Variants in CCSER1 observed in about 807,000 individuals in gnomAD.
CCSER1 encodes the protein coiled-coil serine rich protein 1.
In CCSER1, 41 loss-of-function variants were observed where a neutral mutation model predicts 82.0. The observed-to-expected ratio is 0.50, with a 90% CI of 0.39 to 0.65. The LOEUF is 0.65. CCSER1 is among the 30% of genes least tolerant of loss of function. The probability of loss-of-function intolerance (pLI) is 0.00; values close to 1 mark genes in which losing one functional copy is unlikely to be tolerated. For missense variants in CCSER1, 1,119 were observed against 1,064.2 expected, an observed-to-expected ratio of 1.05 and a Z score of -0.72; for synonymous variants, 414 against 383.9, an observed-to-expected ratio of 1.08 and a Z score of -0.92.
chr4:90,130,258 A>T (rs572658902), intron 1 of CCSER1, among the ~76,000 whole-genome samples: 2 of 152,206 alleles, frequency 1.3e-5, no homozygotes, highest in East Asian at 3.8e-4. Flanking sequence ...CTTACTTGCC[A>T]TGTGGGAGGA....
intron 10 of CCSER1, among the ~76,000 whole-genome samples, chr4:91,177,247 T>G (rs1288983827): frequency 6.6e-6 from 1 of 152,180 alleles, no homozygotes; most frequent in Non-Finnish European, 1.5e-5. Context: ...AATTTTGCAT[T>G]GATGTTCATC....
chr4:90,251,168 T>C, intron 1 of CCSER1, among the ~76,000 whole-genome samples: 1 of 151,942 alleles, frequency 6.6e-6, no homozygotes, highest in Non-Finnish European at 1.5e-5. Context: ...TAGAGGTACA[T>C]TTATTTCTTT....
At chr4:90,903,622 A>AC (rs1724999733) in intron 8 of CCSER1, among the ~76,000 whole-genome samples, 1 of 152,130 alleles carries the variant, frequency 6.6e-6, no homozygotes, top group South Asian at 2.1e-4. Context: ...GCTTTCAGGC[A>AC]CCACAATATG....
intron 5 of CCSER1, among the ~76,000 whole-genome samples, chr4:90,574,384 T>G: frequency 6.7e-6 from 1 of 148,662 alleles, no homozygotes; most frequent in South Asian, 2.2e-4. Context: ...TTCTCCTGCC[T>G]CAGCCTCCCA....
At chr4:90,491,842 C>T (rs1051270296) in intron 5 of CCSER1, among the ~76,000 whole-genome samples, 1 of 152,106 alleles carries the variant, frequency 6.6e-6, no homozygotes, top group Non-Finnish European at 1.5e-5. Flanking sequence ...TATGTTGAAC[C>T]AGCCTTGCAT....
At chr4:91,165,807 A>G (rs916047686) in intron 10 of CCSER1, among the ~76,000 whole-genome samples, 2 of 152,190 alleles carry the variant, frequency 1.3e-5, no homozygotes, top group African/African-American at 2.4e-5. Context: ...TTTGTGCAGG[A>G]TTGTCCCAAT....
Position 91,603,435 on chromosome 4 carries a change from G to A in CCSER1, c.*4378G>A, listed in dbSNP as rs1161524770. 2.0e-5 allele frequency: 3 copies of A among 151,980 alleles called. No homozygotes were observed. The highest frequency in any genetic ancestry group is 4.4e-5 in the Non-Finnish European group (3 of 67,958). 9.4% of individuals were successfully genotyped at this position (151,980 alleles called of 1,614,324 possible). On this transcript the variant is annotated 3_prime_UTR_variant, in exon 11 of 11. Coordinates refer to ENST00000509176, the MANE Select transcript of CCSER1 (RefSeq NM_001145065.2). ...AACACTCTGTGGTTGAATTACCTAT[G>A]GAAAAGAATGAAGGCAGTTCACTCT...
At chr4:90,304,175 T>C (rs1262273303) in intron 1 of CCSER1, among the ~76,000 whole-genome samples, 2 of 152,082 alleles carry the variant, frequency 1.3e-5, no homozygotes, top group African/African-American at 4.8e-5. Flanking sequence ...TGTGGAGAAA[T>C]AGGAACACTT....
intron 5 of CCSER1, among the ~76,000 whole-genome samples, chr4:90,505,752 T>A (rs980901929): frequency 2.8e-4 from 43 of 152,282 alleles, no homozygotes; most frequent in African/African-American, 9.6e-4. Flanking sequence ...TGATAGTATA[T>A]TATAATTTGC....
At chr4:90,767,596 A>T (rs1444617668) in intron 7 of CCSER1, among the ~76,000 whole-genome samples, 1 of 152,210 alleles carries the variant, frequency 6.6e-6, no homozygotes, top group Non-Finnish European at 1.5e-5. Context: ...AAGTTAGATC[A>T]TTCATATCTA....
In CCSER1 at chr4:91,384,216, A is replaced by G. The variant is rs1751122346; in HGVS notation, c.2218-214356A>G. On this transcript the variant is annotated intron_variant, in intron 10 of 10. Coordinates refer to ENST00000509176, the MANE Select transcript of CCSER1 (RefSeq NM_001145065.2). ...CAAGTGGATCTTTACTGGAAGATAG[A>G]AAACCTAACACCTAGATCTACAAAA... Among the ~76,000 whole-genome samples the G allele has an allele frequency of 1.3e-5, 2 of 151,336 alleles. 1 individual carries two copies. Among genetic ancestry groups the G allele is most frequent in the South Asian group, 4.2e-4 (2 of 4,790 alleles).
intron 10 of CCSER1, among the ~76,000 whole-genome samples, chr4:91,309,538 T>G (rs1745308586): frequency 6.6e-6 from 1 of 152,012 alleles, no homozygotes; most frequent in Non-Finnish European, 1.5e-5. Context: ...TCGATTTTCC[T>G]TTTTCTTCAG....
At chr4:90,535,421 C>CA (rs1775192427) in intron 5 of CCSER1, among the ~76,000 whole-genome samples, 1 of 151,346 alleles carries the variant, frequency 6.6e-6, no homozygotes, top group African/African-American at 2.4e-5. Context: ...CCCATTAATA[C>CA]AAAAAACAAA....
intron 5 of CCSER1, among the ~76,000 whole-genome samples, chr4:90,592,930 G>A (rs1282983980): frequency 6.6e-6 from 1 of 152,084 alleles, no homozygotes; most frequent in Non-Finnish European, 1.5e-5. Context: ...TATAACATCA[G>A]GCTGGTGTGG....
chr4:90,133,560 A>T (rs1354593845), intron 1 of CCSER1, among the ~76,000 whole-genome samples: 1 of 152,186 alleles, frequency 6.6e-6, no homozygotes, highest in Non-Finnish European at 1.5e-5. Flanking sequence ...GCTGAAATAA[A>T]TTTTGGACCA....
intron 9 of CCSER1, among the ~76,000 whole-genome samples, chr4:91,054,210 C>T (rs1038128415): frequency 1.3e-5 from 2 of 152,174 alleles, no homozygotes; most frequent in African/African-American, 4.8e-5. Context: ...GCAATCACAG[C>T]TTCACATAAC....
intron 10 of CCSER1, among the ~76,000 whole-genome samples, chr4:91,277,849 G>C (rs1289005247): frequency 6.6e-6 from 1 of 151,478 alleles, no homozygotes; most frequent in South Asian, 2.1e-4. Flanking sequence ...CATTGCTTTT[G>C]CTGTATTCCA....
chr4:91,491,216 A>T (rs1758524448), intron 10 of CCSER1, among the ~76,000 whole-genome samples: 1 of 151,702 alleles, frequency 6.6e-6, no homozygotes, highest in South Asian at 2.1e-4. Context: ...TCAACCAAAA[A>T]GTTAAGTCCT....
intron 4 of CCSER1, among the ~76,000 whole-genome samples, chr4:90,421,337 A>G (rs1032982234): frequency 6.6e-5 from 10 of 152,176 alleles, no homozygotes; most frequent in Non-Finnish European, 1.3e-4. Context: ...TCTTATCAAG[A>G]CCACATTTTC....
Sources: gnomAD v4.1 joint callset for allele counts (sites outside exome capture counted in the v4.1 genomes callset) on GRCh38, gnomAD v4.1.1 for gene constraint, MANE v1.5 for transcripts, NCBI Gene and HGNC (gene_info 2026-07-23, HGNC 2026-07-21) for gene names.